PDGFC: variants seen among roughly 807,000 people sequenced by gnomAD.
The protein encoded by PDGFC is platelet-derived growth factor C.
PDGFC carries 12 observed loss-of-function variants against 35.5 expected under a neutral mutation model. The observed-to-expected ratio is 0.34, with a 90% CI of 0.22 to 0.55. The LOEUF is 0.55. PDGFC is among the 20% of genes least tolerant of loss of function. The probability of loss-of-function intolerance (pLI) is 0.91; values close to 1 mark genes in which losing one functional copy is unlikely to be tolerated. For synonymous variants in PDGFC, 159 were observed against 148.8 expected (o/e 1.07, Z -0.50); for missense variants, 322 against 412.4 (o/e 0.78, Z 1.90).
At chr4:156,891,756 T>G (rs182954128) in intron 1 of PDGFC, among the ~76,000 whole-genome samples, 98 of 152,344 alleles carry the variant, frequency 6.4e-4, no homozygotes, top group Admixed American at 1.1e-3. Context: ...CTTTAATATG[T>G]GTCCTAAGAC....
intron 1 of PDGFC, among the ~76,000 whole-genome samples, chr4:156,880,635 G>A (rs941744441): frequency 6.6e-6 from 1 of 152,124 alleles, no homozygotes; most frequent in African/African-American, 2.4e-5. Flanking sequence ...TTTATTTAGG[G>A]TATAGCTGTC....
intron 1 of PDGFC, among the ~76,000 whole-genome samples, chr4:156,909,173 A>G (rs908617282): frequency 1.3e-5 from 2 of 152,184 alleles, no homozygotes; most frequent in Non-Finnish European, 2.9e-5. Context: ...GAGAAGAGAA[A>G]AATATTCTAA....
intron 1 of PDGFC, among the ~76,000 whole-genome samples, chr4:156,894,090 T>C (rs901410076): frequency 3.9e-5 from 6 of 152,182 alleles, no homozygotes; most frequent in Non-Finnish European, 8.8e-5. Context: ...CTATTCACAT[T>C]CATTATTCCA....
intron 1 of PDGFC, among the ~76,000 whole-genome samples, chr4:156,960,261 T>A (rs1409654807): frequency 6.8e-6 from 1 of 147,630 alleles, no homozygotes; most frequent in Admixed American, 6.8e-5. Flanking sequence ...GTTATATATA[T>A]ATATATATAT....
At chr4:156,939,192 A>T (rs1265238188) in intron 1 of PDGFC, among the ~76,000 whole-genome samples, 1 of 152,104 alleles carries the variant, frequency 6.6e-6, no homozygotes, top group Non-Finnish European at 1.5e-5. Flanking sequence ...GCTTAATGGT[A>T]TGCCAAGCTC....
At chr4:156,827,298 T>G (rs1472838584) in intron 2 of PDGFC, among the ~76,000 whole-genome samples, 2 of 151,826 alleles carry the variant, frequency 1.3e-5, no homozygotes, top group African/African-American at 2.4e-5. Flanking sequence ...GCACCTGTAG[T>G]CCCAGCTACT....
At chr4:156,883,547 A>G (rs568665983) in intron 1 of PDGFC, among the ~76,000 whole-genome samples, 2 of 152,312 alleles carry the variant, frequency 1.3e-5, no homozygotes, top group Admixed American at 6.5e-5. Context: ...GTTAGTATTG[A>G]TTGATTGCTT....
chr4:156,822,069 A>G (rs1200025143), intron 2 of PDGFC, among the ~76,000 whole-genome samples: 1 of 152,142 alleles, frequency 6.6e-6, no homozygotes, highest in Non-Finnish European at 1.5e-5. Context: ...AGGGATAAAA[A>G]TGTCTTTCAT....
intron 3 of PDGFC, among the ~76,000 whole-genome samples, chr4:156,805,175 T>A (rs1731725693): frequency 6.6e-6 from 1 of 151,990 alleles, no homozygotes; most frequent in African/African-American, 2.4e-5. Flanking sequence ...AAGAGTTTAG[T>A]CTCTATAGCA....
At chr4:156,821,476 A>G (rs564900354) in intron 2 of PDGFC, among the ~76,000 whole-genome samples, 6 of 152,056 alleles carry the variant, frequency 3.9e-5, no homozygotes, top group African/African-American at 1.4e-4. Flanking sequence ...CCTGGGCTCA[A>G]GTGATACTCC....
At chr4:156,871,705 T>A (rs1380383291) in intron 1 of PDGFC, among the ~76,000 whole-genome samples, 1 of 152,126 alleles carries the variant, frequency 6.6e-6, no homozygotes, top group East Asian at 1.9e-4. Context: ...ATAAGTACTT[T>A]ATTGTTGAGC....
intron 1 of PDGFC, among the ~76,000 whole-genome samples, chr4:156,903,916 G>A (rs943793449): frequency 6.6e-6 from 1 of 152,164 alleles, no homozygotes; most frequent in African/African-American, 2.4e-5. Flanking sequence ...AGCTGTACTG[G>A]CCTTTAGGCC....
chr4:156,814,044 T>C (rs377355295), intron 2 of PDGFC, among the ~76,000 whole-genome samples: 3 of 152,134 alleles, frequency 2.0e-5, no homozygotes, highest in African/African-American at 7.2e-5. Context: ...TCATAGCAAC[T>C]GAGGCTGGGA....
chr4:156,919,296 T>C (rs934048544), intron 1 of PDGFC, among the ~76,000 whole-genome samples: 3 of 152,180 alleles, frequency 2.0e-5, no homozygotes, highest in Non-Finnish European at 4.4e-5. Flanking sequence ...ATACAGGTGA[T>C]CCCCAACTTT....
At chr4:156,968,453 A>G (rs1356876389) in intron 1 of PDGFC, among the ~76,000 whole-genome samples, 1 of 152,204 alleles carries the variant, frequency 6.6e-6, no homozygotes, top group Admixed American at 6.5e-5. Flanking sequence ...AAATTCAATC[A>G]TAATTCAGTA....
At chr4:156,944,830 C>T (rs1731900919) in intron 1 of PDGFC, among the ~76,000 whole-genome samples, 1 of 152,070 alleles carries the variant, frequency 6.6e-6, no homozygotes, top group African/African-American at 2.4e-5. Flanking sequence ...CAGAAATAAT[C>T]ATCTCTATAT....
chr4:156,876,300 T>C (rs1306552011), intron 1 of PDGFC: 1 of 152,224 alleles, frequency 6.6e-6, no homozygotes, highest in East Asian at 1.9e-4. Flanking sequence ...TGTTTAGTTA[T>C]GTAAAAACAA....
At chr4:156,805,396 T>C (rs1731730220) in intron 3 of PDGFC, among the ~76,000 whole-genome samples, 2 of 152,082 alleles carry the variant, frequency 1.3e-5, no homozygotes, top group South Asian at 4.1e-4. Context: ...TCGAGGTAAA[T>C]ACAAATCTAT....
intron 2 of PDGFC, among the ~76,000 whole-genome samples, chr4:156,842,476 C>T (rs2111059116): frequency 6.6e-6 from 1 of 151,966 alleles, no homozygotes; most frequent in African/African-American, 2.4e-5. Flanking sequence ...TAACAAAATC[C>T]CTCCAAGGAG....
Sources: gnomAD v4.1 joint callset for allele counts (sites outside exome capture counted in the v4.1 genomes callset) on GRCh38, gnomAD v4.1.1 for gene constraint, MANE v1.5 for transcripts, NCBI Gene and HGNC (gene_info 2026-07-23, HGNC 2026-07-21) for gene names.